The following ZNF566 variants were observed in gnomAD, a reference collection of about 807,000 sequenced individuals.
ZNF566 encodes the protein zinc finger protein 566.
In ZNF566, 27 loss-of-function variants were observed where a neutral mutation model predicts 32.8. That is an observed-to-expected ratio of 0.82 (90% confidence interval 0.61 to 1.14). ZNF566 has a LOEUF of 1.14. ZNF566 is among the 50% of genes most tolerant of loss of function. The probability of loss-of-function intolerance (pLI) is 0.00; values close to 1 mark genes in which losing one functional copy is unlikely to be tolerated. For synonymous variants in ZNF566, 154 were observed against 159.5 expected (o/e 0.97, Z 0.26); for missense variants, 402 against 490.4 (o/e 0.82, Z 1.70).
intron 4 of ZNF566, among the ~76,000 whole-genome samples, chr19:36,452,856 A>G (rs1034079600): frequency 1.3e-5 from 2 of 152,178 alleles, no homozygotes; most frequent in African/African-American, 4.8e-5. Flanking sequence ...ACGGTGGCTC[A>G]CACCTGTAAT....
rs745740382 is a variant in ZNF566 at position 36,449,633 on chromosome 19, A to C, written c.601T>G (p.Cys201Gly). Residue 201 changes from cysteine to glycine, a missense_variant, in exon 5 of 5, where the codon TGT (cysteine) becomes GGT (glycine). Transcript: ENST00000452939. ...CTAAAGGACTTTCCACATTCCTTACATTCATAAGGCTTCTCAATGGTATGA... is the reference window on the plus strand; with the variant it reads ...CTAAAGGACTTTCCACATTCCTTACCTTCATAAGGCTTCTCAATGGTATGA... ...IIHTIEKPYE[C>G]KECGKSFRHP... The C allele has an allele frequency of 6.2e-7, 1 of 1,614,168 alleles. No homozygotes were observed. The highest frequency in any genetic ancestry group is 8.5e-7 in the Non-Finnish European group (1 of 1,180,030).
In ZNF566 at chr19:36,469,056, C is replaced by CTA. The variant is rs371833238; in HGVS notation, c.232+3853_232+3854dup. 3.5e-3 allele frequency among the ~76,000 whole-genome samples: 530 copies of CTA among 151,844 alleles called. 16 individuals are homozygous for CTA. The highest frequency in any genetic ancestry group is 0.012 in the African/African-American group (514 of 41,198). On this transcript the variant is annotated intron_variant, in intron 4 of 4. Coordinates refer to ENST00000452939, the MANE Select transcript of ZNF566 (RefSeq NM_001145344.1). ...AGAAATGAACAAGGTAATTATCATG[C>CTA]TATGGTGAAAATGTACACTCTTACA... is the stretch of plus-strand genomic sequence containing the variant.
chr19:36,476,550 T>C lies in ZNF566; in HGVS notation c.8A>G (p.Gln3Arg). 6.2e-7 allele frequency: 1 copy of C among 1,613,258 alleles called. No individual in the cohort carries two copies. Among genetic ancestry groups the C allele is most frequent in the Non-Finnish European group, 8.5e-7 (1 of 1,179,464 alleles). Residue 3 changes from glutamine to arginine, a missense_variant and splice_region_variant, in exon 2 of 5, where the codon CAG (glutamine) becomes CGG (arginine). Physicochemically the swap from Gln to Arg is conservative, Grantham distance 43. Coordinates refer to ENST00000452939, the MANE Select transcript of ZNF566 (RefSeq NM_001145344.1). MA[Q>R]ESVMFSDVSV... is the part of the protein sequence containing the mutation. ...GAGCAAAAGGAAACAGTATCTCACC[T>C]GAGCCATGGCTCTGATATTTGTAGA...
At chr19:36,484,600 T>TC (rs1042236017) in intron 1 of ZNF566, among the ~76,000 whole-genome samples, 3 of 146,284 alleles carry the variant, frequency 2.1e-5, no homozygotes, top group East Asian at 2.0e-4. Context: ...TTTTTTTTTT[T>TC]TTTTTTTGAG....
In ZNF566 at chr19:36,449,814, A is replaced by C. The variant is rs2033102380; in HGVS notation, c.420T>G (p.Asn140Lys). 6.2e-7 allele frequency: 1 copy of C among 1,614,060 alleles called. No homozygotes were observed. Among genetic ancestry groups the C allele is most frequent in the African/African-American group, 1.3e-5 (1 of 74,938 alleles). ...GATCTTCATGAGTGAATACCAATTG[A>C]TTGAAATGTCCCCCCTGAGAGCCGA... ...KELGSQGGHF[N>K]QLVFTHEDLP... is the part of the protein sequence containing the mutation. Residue 140 changes from asparagine to lysine, a missense_variant, in exon 5 of 5, where the codon AAT becomes AAG. Coordinates refer to ENST00000452939, the MANE Select transcript of ZNF566 (RefSeq NM_001145344.1).
Position 36,448,723 on chromosome 19 carries a change from C to A in ZNF566, c.*254G>T. ...AAAAGTGCTGTCATTTTCAGTATGA[C>A]AGACTGAATTATCTATCATATTGCT... On this transcript the variant is annotated 3_prime_UTR_variant, in exon 5 of 5. Coordinates refer to ENST00000452939, the MANE Select transcript of ZNF566 (RefSeq NM_001145344.1). 3.1e-6 allele frequency: 1 copy of A among 322,200 alleles called. No homozygotes were observed. Among genetic ancestry groups the A allele is most frequent in the Admixed American group, 4.5e-5 (1 of 22,398 alleles). The allele number at this position is 322,200 out of a possible 1,614,324, so 20.0% of individuals were successfully genotyped here. A position where few individuals can be genotyped will look rare whatever the true frequency, so the allele number is the denominator to read the frequency against.
chr19:36,488,372 C>T (rs1185789943), intron 1 of ZNF566, among the ~76,000 whole-genome samples: 1 of 152,176 alleles, frequency 6.6e-6, no homozygotes, highest in Non-Finnish European at 1.5e-5. Flanking sequence ...TGGGATTACA[C>T]GCATGAGCCT....
chr19:36,449,354 T>C lies in ZNF566; in HGVS notation c.880A>G (p.Ser294Gly), dbSNP rs1889875130. ...ECKECGKAFS[S>G]GSNFTQHQRI... ...TGATGTTGAGTAAAGTTTGAGCCAC[T>C]ACTAAAGGCCTTCCCGCATTCTTTG... The change falls in exon 5 of 5, where the codon AGT (serine) becomes GGT (glycine). Residue 294 changes from serine (S) to glycine (G), a missense_variant. Ser to Gly is a moderately conservative substitution (Grantham distance 56). This residue lies in a region of ZNF566 where 135 missense variants were observed against 210.0 expected (regional missense o/e 0.64). Coordinates refer to ENST00000452939, the MANE Select transcript of ZNF566 (RefSeq NM_001145344.1). The C allele has an allele frequency of 1.2e-6, 2 of 1,614,132 alleles. No homozygotes were observed. Among genetic ancestry groups the C allele is most frequent in the Non-Finnish European group, 1.7e-6 (2 of 1,180,008 alleles).
chr19:36,467,775 A>G (rs2033654974), intron 4 of ZNF566, among the ~76,000 whole-genome samples: 1 of 122,918 alleles, frequency 8.1e-6, no homozygotes. Flanking sequence ...TGGGTGACAG[A>G]GCGAGACTCC....
chr19:36,472,574 T>C (rs552799903), intron 4 of ZNF566, among the ~76,000 whole-genome samples: 1 of 152,276 alleles, frequency 6.6e-6, no homozygotes, highest in African/African-American at 2.4e-5. Context: ...AAAAAATCTA[T>C]TTCTGGAGAC....
intron 1 of ZNF566, among the ~76,000 whole-genome samples, chr19:36,477,365 TTTTTCACTGTAACAA>T (rs2033914493): frequency 6.6e-6 from 1 of 152,094 alleles, no homozygotes; most frequent in African/African-American, 2.4e-5. Context: ...CTTTTTCTAG[TTTTTCACTGTAACAA>T]ACAATGCTGT....
chr19:36,456,305 G>A (rs1353053276), intron 4 of ZNF566, among the ~76,000 whole-genome samples: 3 of 150,134 alleles, frequency 2.0e-5, no homozygotes, highest in East Asian at 1.9e-4. Flanking sequence ...GAAGGCCGAG[G>A]CAGGTGGATT....
Position 36,449,683 on chromosome 19 carries a change from G to A in ZNF566, c.551C>T (p.Ser184Leu), listed in dbSNP as rs956533985. Residue 184 changes from serine (S) to leucine (L), a missense_variant, in exon 5 of 5, where the codon TCA becomes TTA. Ser to Leu is a moderately radical substitution (Grantham distance 145). Coordinates refer to ENST00000452939, the MANE Select transcript of ZNF566 (RefSeq NM_001145344.1). Reference sequence around the variant, plus strand: ...AATTATCTCATGTGTAGCAAACTGTGAGCCATGTCTAAAGGTTTTCCTATA... The same window carrying A: ...AATTATCTCATGTGTAGCAAACTGTAAGCCATGTCTAAAGGTTTTCCTATA... ...KEYRKTFRHGSQFATHEIIHT... is the reference protein window; with the variant it reads ...KEYRKTFRHGLQFATHEIIHT... The A allele has an allele frequency of 1.2e-6, 2 of 1,614,086 alleles. No individual in the cohort carries two copies. Among genetic ancestry groups the A allele is most frequent in the Non-Finnish European group, 1.7e-6 (2 of 1,180,010 alleles).
intron 4 of ZNF566, among the ~76,000 whole-genome samples, chr19:36,457,690 G>A (rs1029532705): frequency 2.6e-5 from 4 of 152,092 alleles, no homozygotes; most frequent in Non-Finnish European, 5.9e-5. Context: ...TCAGGAGTTC[G>A]ACACCAGCCT....
intron 4 of ZNF566, among the ~76,000 whole-genome samples, chr19:36,453,031 C>G (rs112533747): frequency 1.3e-5 from 2 of 151,318 alleles, no homozygotes; most frequent in African/African-American, 4.9e-5. Flanking sequence ...GGCAGGAGAA[C>G]TGCTTGAACC....
At chr19:36,455,227 G>T (rs949216886) in intron 4 of ZNF566, among the ~76,000 whole-genome samples, 1 of 151,940 alleles carries the variant, frequency 6.6e-6, no homozygotes, top group African/African-American at 2.4e-5. Context: ...AATAATAAAG[G>T]CCATATATGA....
Position 36,471,804 on chromosome 19 carries a change from G to C in ZNF566, c.232+1107C>G, listed in dbSNP as rs1431297702. Among the ~76,000 whole-genome samples, 5 of 151,978 alleles carry C rather than the reference G, an allele frequency of 3.3e-5. No homozygotes were observed. In the East Asian group the frequency reaches 9.7e-4, roughly 29 times the overall value. ...GTCACTCAGGCTGGAGTGCAGTGGC[G>C]TAATCTTGGCTCACTGCAACCTCCA... On this transcript the variant is annotated intron_variant, in intron 4 of 4. Transcript: ENST00000452939.
chr19:36,460,256 ATG>A (rs1415307081), intron 4 of ZNF566, among the ~76,000 whole-genome samples: 22 of 152,354 alleles, frequency 1.4e-4, no homozygotes, highest in African/African-American at 4.1e-4. Flanking sequence ...AAGGTGACTC[ATG>A]TTGGAATTAT....
At position 36,476,713 on chromosome 19, in the gene ZNF566, T is replaced by A. The variant is rs1160953767; in HGVS notation, c.-59-97A>T. The stretch of plus-strand genomic sequence containing the variant: ...CTTCTGTTCATGCTTCAGAAATGCT[T>A]GTGGGGTATCAGTGAGGAGAATGGG... On this transcript the variant is annotated intron_variant, in intron 1 of 4. Transcript: ENST00000452939. 3.0e-6 allele frequency: 3 copies of A among 1,014,256 alleles called. No homozygotes were observed. The African/African-American group carries it at 4.9e-5, about 17-fold the overall frequency. 62.8% of individuals were successfully genotyped at this position (1,014,256 alleles called of 1,614,324 possible). A position where few individuals can be genotyped will look rare whatever the true frequency, so the allele number is the denominator to read the frequency against.
Sources: allele counts gnomAD v4.1 joint callset (sites outside exome capture counted in the v4.1 genomes callset), GRCh38; gene constraint gnomAD v4.1.1; regional missense constraint gnomAD v4.1.1; transcripts MANE v1.5; gene names NCBI Gene and HGNC (gene_info 2026-07-23, HGNC 2026-07-21).